The following KLHL24 variants were observed in gnomAD, a reference collection of about 807,000 sequenced individuals.
KLHL24 encodes the protein kelch like family member 24, also known as kelch-like protein 24.
A neutral mutation model predicts 53.4 loss-of-function variants in KLHL24; 29 were observed. The ratio of observed to expected loss-of-function variants is 0.54; its 90% CI spans 0.40 to 0.74. The LOEUF (loss-of-function observed/expected upper bound fraction) is 0.74, where lower values mean the gene tolerates loss of function less well. Among genes scored for constraint, KLHL24 ranks in the 30% least tolerant of loss-of-function variants. The pLI is 0.00. For missense variants in KLHL24, 504 were observed against 744.0 expected, an observed-to-expected ratio of 0.68 and a Z score of 3.75; for synonymous variants, 222 against 253.7, an observed-to-expected ratio of 0.88 and a Z score of 1.19.
intron 7 of KLHL24, chr3:183,672,973 C>G (rs1415609663): frequency 2.0e-5 from 3 of 151,894 alleles, no homozygotes; most frequent in Non-Finnish European, 4.4e-5. Flanking sequence ...CCAGCCTGGA[C>G]AGCAAGAGCG....
chr3:183,655,490 A>T (rs554116835), intron 3 of KLHL24, among the ~76,000 whole-genome samples: 111 of 152,250 alleles, frequency 7.3e-4, no homozygotes, highest in Non-Finnish European at 1.3e-3. Context: ...TTAGCTAGGC[A>T]TTGTAGCATG....
Position 183,661,787 on chromosome 3 carries a change from A to G in KLHL24, c.921-1671A>G, listed in dbSNP as rs566608292. On this transcript the variant is annotated intron_variant, in intron 3 of 7. Transcript: ENST00000242810. ...AAGTAATGTACAATAAGGAAAGGAT[A>G]AAACAAAATCCTATGATATATAATC... Among the ~76,000 whole-genome samples the G allele has an allele frequency of 3.9e-5, 6 of 152,366 alleles. No individual in the cohort carries two copies. In the South Asian group the frequency reaches 6.2e-4, roughly 16 times the overall value.
chr3:183,674,408 T>C (rs1268956780), intron 7 of KLHL24, among the ~76,000 whole-genome samples: 1 of 151,496 alleles, frequency 6.6e-6, no homozygotes, highest in Non-Finnish European at 1.5e-5. Flanking sequence ...TCACCCAGGC[T>C]GAAGTGCAAT....
chr3:183,639,642 A>C (rs1038712484), intron 1 of KLHL24, among the ~76,000 whole-genome samples: 3 of 148,034 alleles, frequency 2.0e-5, no homozygotes, highest in South Asian at 4.2e-4. Context: ...AAAAAAAAAA[A>C]AAAAAAAAAA....
rs1712823124 is a variant in KLHL24, at chr3:183,682,936, C to CG, written c.*3651dup. 8.3e-6 allele frequency: 1 copy of CG among 120,974 alleles called. No homozygotes were observed. The highest frequency in any genetic ancestry group is 8.3e-5 in the Admixed American group (1 of 12,052). 7.5% of individuals were successfully genotyped at this position (120,974 alleles called of 1,614,324 possible). ...CATCTACTTCAAACTGTATTTTTTT[C>CG]GTTTTTTTTTTTTTTTGGGGAAGGG... On this transcript the variant is annotated 3_prime_UTR_variant, in exon 8 of 8. Transcript: ENST00000242810.
In KLHL24 at chr3:183,681,851, T is replaced by G. The variant is rs1712708216; in HGVS notation, c.*2565T>G. ...TCATTCTCTCATCACATAAAGATTT[T>G]TCTTTTGATAGGTGATGCTCATATG... On this transcript the variant is annotated 3_prime_UTR_variant, in exon 8 of 8. Coordinates refer to ENST00000242810, the MANE Select transcript of KLHL24 (RefSeq NM_017644.3). 6.6e-6 allele frequency: 1 copy of G among 152,534 alleles called. No homozygotes were observed. Among genetic ancestry groups the G allele is most frequent in the Non-Finnish European group, 1.5e-5 (1 of 67,954 alleles). 9.4% of individuals were successfully genotyped at this position (152,534 alleles called of 1,614,324 possible).
intron 2 of KLHL24, among the ~76,000 whole-genome samples, chr3:183,647,719 A>T (rs1325878010): frequency 6.6e-6 from 1 of 152,076 alleles, no homozygotes; most frequent in African/African-American, 2.4e-5. Context: ...ACAAAACATA[A>T]CAGGCTGAGC....
chr3:183,644,388 C>T lies in KLHL24; in HGVS notation c.-62+846C>T, dbSNP rs148023515. Among the ~76,000 whole-genome samples, 1,013 of 152,224 alleles carry T rather than the reference C, an allele frequency of 6.7e-3. 5 individuals carry two copies. The highest frequency in any genetic ancestry group is 0.027 in the Middle Eastern group (8 of 294). ...GAAGTGTTTACATTTGGTGTAGTTA[C>T]GGAGACCAGTAATTGGAGAGTTCCC... is the stretch of plus-strand genomic sequence containing the variant. On this transcript the variant is annotated intron_variant, in intron 2 of 7. Transcript: ENST00000242810.
rs537661840 is a variant in KLHL24, at chr3:183,671,911, G to A, written c.1414-385G>A. On this transcript the variant is annotated intron_variant, in intron 6 of 7. Coordinates refer to ENST00000242810, the MANE Select transcript of KLHL24 (RefSeq NM_017644.3). ...TGTGATAATTCAGAGCATACTGATTGAATTGAGGTTTACTTGTTTTCTTTT... is the reference window on the plus strand; with the variant it reads ...TGTGATAATTCAGAGCATACTGATTAAATTGAGGTTTACTTGTTTTCTTTT... 1.1e-3 allele frequency among the ~76,000 whole-genome samples: 169 copies of A among 152,286 alleles called. 1 individual carries two copies. The highest frequency in any genetic ancestry group is 2.0e-3 in the Non-Finnish European group (139 of 68,012).
rs1450722604 is a variant in KLHL24 at position 183,650,299 on chromosome 3, C to T, written c.-58C>T. The T allele has an allele frequency of 7.3e-6, 10 of 1,370,826 alleles. No homozygotes were observed. The highest frequency in any genetic ancestry group is 1.0e-5 in the Non-Finnish European group (10 of 996,082). 84.9% of individuals were successfully genotyped at this position (1,370,826 alleles called of 1,614,324 possible). On this transcript the variant is annotated 5_prime_UTR_variant, in exon 3 of 8. Transcript: ENST00000242810. This position sits in a 1 kb window ranked among gnomAD's most constrained non-coding sequence, Gnocchi z 4.5. ...GTTTTCCTTTTTTTACTTTTAGCCA[C>T]ATAAAGAAGATCCCTAATAGTCATT...
intron 1 of KLHL24, chr3:183,636,361 G>C (rs1187738875): frequency 6.6e-6 from 1 of 152,254 alleles, no homozygotes; most frequent in Non-Finnish European, 1.5e-5. Context: ...AAGCGATTGC[G>C]AAATGCACTC....
intron 7 of KLHL24, among the ~76,000 whole-genome samples, chr3:183,674,432 C>T (rs1369970171): frequency 6.6e-6 from 1 of 151,934 alleles, no homozygotes; most frequent in African/African-American, 2.4e-5. Context: ...GCGATCTCCA[C>T]ACACTGCAAA....
intron 2 of KLHL24, among the ~76,000 whole-genome samples, chr3:183,648,181 G>GC (rs1365444590): frequency 6.6e-6 from 1 of 152,124 alleles, no homozygotes; most frequent in East Asian, 1.9e-4. Flanking sequence ...CATGAAAATT[G>GC]CAAGTATCTA....
At position 183,635,749 on chromosome 3, in the gene KLHL24, T is replaced by A. The variant is rs1246034153; in HGVS notation, c.-169T>A. On this transcript the variant is annotated 5_prime_UTR_variant, in exon 1 of 8. Coordinates refer to ENST00000242810, the MANE Select transcript of KLHL24 (RefSeq NM_017644.3). ...GCTGCTTCCAGTGTTCGCCGAGAGG[T>A]ACCGGGGGTGACAGCTCCGGGACCG... 6.6e-6 allele frequency: 1 copy of A among 152,314 alleles called. No individual in the cohort carries two copies. Among genetic ancestry groups the A allele is most frequent in the African/African-American group, 2.4e-5 (1 of 41,370 alleles). 9.4% of individuals were successfully genotyped at this position (152,314 alleles called of 1,614,324 possible).
At chr3:183,670,654 T>TG (rs1721211079) in intron 5 of KLHL24, among the ~76,000 whole-genome samples, 1 of 152,218 alleles carries the variant, frequency 6.6e-6, no homozygotes, top group Non-Finnish European at 1.5e-5. Flanking sequence ...AGCTAAATTG[T>TG]ACCATTCTCA....
intron 7 of KLHL24, among the ~76,000 whole-genome samples, chr3:183,676,847 C>A (rs1711974336): frequency 6.6e-6 from 1 of 150,388 alleles, no homozygotes; most frequent in Non-Finnish European, 1.5e-5. Flanking sequence ...AAATCTGATT[C>A]TTTTTGTCTA....
At chr3:183,667,037 A>G (rs1484631643) in intron 5 of KLHL24, among the ~76,000 whole-genome samples, 1 of 152,184 alleles carries the variant, frequency 6.6e-6, no homozygotes, top group Non-Finnish European at 1.5e-5. Flanking sequence ...ACAAAGCTCT[A>G]GCTGAAACAG....
At chr3:183,669,632 G>A (rs1721070273) in intron 5 of KLHL24, among the ~76,000 whole-genome samples, 1 of 152,088 alleles carries the variant, frequency 6.6e-6, no homozygotes, top group African/African-American at 2.4e-5. Context: ...GAAATTTGGG[G>A]GTGCACAGAA....
At chr3:183,646,851 C>A (rs1194464282) in intron 2 of KLHL24, among the ~76,000 whole-genome samples, 1 of 151,854 alleles carries the variant, frequency 6.6e-6, no homozygotes, top group African/African-American at 2.4e-5. Context: ...GCTCTGTCAC[C>A]CAGGCTGGAG....
Sources: gnomAD v4.1 joint callset for allele counts (sites outside exome capture counted in the v4.1 genomes callset) on GRCh38, gnomAD v4.1.1 for gene constraint, Gnocchi (gnomAD v3.1) non-coding constraint, MANE v1.5 for transcripts, NCBI Gene and HGNC (gene_info 2026-07-23, HGNC 2026-07-21) for gene names.